The following NR5A2 variants were observed in gnomAD, a reference collection of about 807,000 sequenced individuals.
NR5A2 encodes the protein nuclear receptor subfamily 5 group A member 2, also known as CYP7A promoter-binding factor.
NR5A2 carries 26 observed loss-of-function variants against 62.7 expected under a neutral mutation model. The observed-to-expected ratio is 0.41, with a 90% CI of 0.30 to 0.58. The LOEUF is 0.58. NR5A2 is among the 20% of genes least tolerant of loss of function. The pLI is 0.22. For synonymous variants in NR5A2, 246 were observed against 241.7 expected (o/e 1.02, Z -0.16); for missense variants, 541 against 669.1 (o/e 0.81, Z 2.11).
intron 5 of NR5A2, among the ~76,000 whole-genome samples, chr1:200,058,575 G>A (rs988459467): frequency 2.0e-5 from 3 of 151,610 alleles, no homozygotes; most frequent in East Asian, 3.9e-4. Context: ...CCGCCTTCCC[G>A]GTTCAAGCGA....
chr1:200,148,530 A>G (rs1667830531), intron 7 of NR5A2, among the ~76,000 whole-genome samples: 1 of 152,210 alleles, frequency 6.6e-6, no homozygotes, highest in Admixed American at 6.5e-5. Context: ...ACTCTAGACA[A>G]GACTTGCAGT....
At chr1:200,052,273 C>T (rs1662671625) in intron 5 of NR5A2, among the ~76,000 whole-genome samples, 2 of 152,214 alleles carry the variant, frequency 1.3e-5, no homozygotes, top group Non-Finnish European at 2.9e-5. Context: ...CAGCCTGAGT[C>T]CCCACCCTAT....
At chr1:200,120,598 C>A (rs1666437499) in intron 6 of NR5A2, among the ~76,000 whole-genome samples, 1 of 152,164 alleles carries the variant, frequency 6.6e-6, no homozygotes, top group African/African-American at 2.4e-5. Context: ...TGGCTTGGGC[C>A]TGCAATCCCA....
rs74615400 is a variant in NR5A2, at chr1:200,098,572, T to A, written c.1111-12630T>A. ...TGGATTCAGAACACCTGGATTCCCA[T>A]CCTGTTTCTGGCACCTGAGTAGCCT... On this transcript the variant is annotated intron_variant, in intron 5 of 7. Transcript: ENST00000367362. Among the ~76,000 whole-genome samples the A allele has an allele frequency of 5.5e-3, 838 of 151,200 alleles. 10 individuals carry two copies. The highest frequency in any genetic ancestry group is 0.019 in the African/African-American group (795 of 41,100).
chr1:200,070,516 C>T (rs1014407625), intron 5 of NR5A2, among the ~76,000 whole-genome samples: 2 of 151,946 alleles, frequency 1.3e-5, no homozygotes, highest in East Asian at 1.9e-4. Context: ...CCTGTCTCTA[C>T]AAAAAATTTA....
chr1:200,032,639 A>C (rs967904661), intron 1 of NR5A2, among the ~76,000 whole-genome samples: 2 of 152,176 alleles, frequency 1.3e-5, no homozygotes, highest in African/African-American at 4.8e-5. Context: ...GTTTGAGTGA[A>C]GCTAAGGGGA....
At chr1:200,091,314 G>A (rs1664802176) in intron 5 of NR5A2, among the ~76,000 whole-genome samples, 1 of 151,950 alleles carries the variant, frequency 6.6e-6, no homozygotes, top group South Asian at 2.1e-4. Context: ...TTACAACAAG[G>A]GGAGTGGGGA....
intron 5 of NR5A2, among the ~76,000 whole-genome samples, chr1:200,088,363 T>G (rs1664657265): frequency 6.6e-6 from 1 of 152,142 alleles, no homozygotes; most frequent in African/African-American, 2.4e-5. Context: ...GTTCAAGTGA[T>G]TCTCCTGCCT....
At chr1:200,045,299 C>A in intron 3 of NR5A2, 144 bp from the exon 4 acceptor site, 1 of 632,548 alleles carries the variant, frequency 1.6e-6, no homozygotes, top group Non-Finnish European at 2.5e-6. Context: ...GTTGATGTTG[C>A]TGAAATGTAA....
chr1:200,084,577 C>G (rs1664441290), intron 5 of NR5A2, among the ~76,000 whole-genome samples: 1 of 152,124 alleles, frequency 6.6e-6, no homozygotes, highest in Non-Finnish European at 1.5e-5. Flanking sequence ...ATAATATTTT[C>G]CATATTACAG....
chr1:200,100,810 G>A (rs537114865), intron 5 of NR5A2, among the ~76,000 whole-genome samples: 85 of 152,110 alleles, frequency 5.6e-4, no homozygotes, highest in Non-Finnish European at 6.3e-4. Flanking sequence ...AGGAGAAGAT[G>A]TTTTGCAAAA....
rs1661985447 is a variant in NR5A2, at chr1:200,039,887, C to CGGGAGT, written c.202+93_202+98dup. The CGGGAGT allele has an allele frequency of 1.4e-6, 2 of 1,417,658 alleles. No homozygotes were observed. Among genetic ancestry groups the CGGGAGT allele is most frequent in the East Asian group, 2.9e-5 (1 of 34,700 alleles). The allele number at this position is 1,417,658 out of a possible 1,614,324, so 87.8% of individuals were successfully genotyped here. A position where few individuals can be genotyped will look rare whatever the true frequency, so the allele number is the denominator to read the frequency against. On this transcript the variant is annotated intron_variant, in intron 2 of 7. Coordinates refer to ENST00000367362, the MANE Select transcript of NR5A2 (RefSeq NM_205860.3). The surrounding 1 kb of genome is among the most constrained non-coding windows in gnomAD (Gnocchi z 5.1). The stretch of plus-strand genomic sequence containing the variant: ...TTCAGCCTCCCGCCCCGCGCGGGCG[C>CGGGAGT]GGGAGTAGCCCCGCTGGGCGCTCGC...
At chr1:200,065,845 C>T (rs571632369) in intron 5 of NR5A2, among the ~76,000 whole-genome samples, 1 of 152,096 alleles carries the variant, frequency 6.6e-6, no homozygotes, top group Non-Finnish European at 1.5e-5. Context: ...CACAGCACTA[C>T]AGGCACAGGA....
At chr1:200,106,577 C>T (rs757307826) in intron 5 of NR5A2, among the ~76,000 whole-genome samples, 5 of 152,090 alleles carry the variant, frequency 3.3e-5, no homozygotes, top group Non-Finnish European at 7.4e-5. Flanking sequence ...TATTGCTAAC[C>T]ACTAGTGAGA....
chr1:200,065,750 G>T (rs1663438370), intron 5 of NR5A2, among the ~76,000 whole-genome samples: 1 of 152,268 alleles, frequency 6.6e-6, no homozygotes, highest in African/African-American at 2.4e-5. Flanking sequence ...AGTTAGAGGG[G>T]TTCAGAGAAG....
chr1:200,139,947 C>T (rs1667376391), intron 7 of NR5A2, among the ~76,000 whole-genome samples: 1 of 152,204 alleles, frequency 6.6e-6, no homozygotes, highest in Non-Finnish European at 1.5e-5. Context: ...AATATTTTGT[C>T]ATCTCGATTG....
At chr1:200,162,523 A>T (rs16846165) in intron 7 of NR5A2, among the ~76,000 whole-genome samples, 58,968 of 151,978 alleles carry the variant, frequency 0.39, 13,999 homozygotes, top group African/African-American at 0.68. Context: ...AAGCAGAGGG[A>T]ACTAGAGGAC....
intron 6 of NR5A2, among the ~76,000 whole-genome samples, chr1:200,116,242 C>G (rs565935124): frequency 6.6e-6 from 1 of 152,226 alleles, no homozygotes; most frequent in South Asian, 2.1e-4. Context: ...ACCCTTTGGA[C>G]AGACAGAGGA....
At chr1:200,089,475 T>A (rs963933740) in intron 5 of NR5A2, among the ~76,000 whole-genome samples, 1 of 151,032 alleles carries the variant, frequency 6.6e-6, no homozygotes, top group Non-Finnish European at 1.5e-5. Context: ...TGTACAACTT[T>A]CTTTCTTTCT....
Sources: gnomAD v4.1 joint callset for allele counts (sites outside exome capture counted in the v4.1 genomes callset) on GRCh38, gnomAD v4.1.1 for gene constraint, Gnocchi (gnomAD v3.1) non-coding constraint, MANE v1.5 for transcripts, NCBI Gene and HGNC (gene_info 2026-07-23, HGNC 2026-07-21) for gene names.